Variants in PTPRD observed in about 807,000 individuals in gnomAD.
The protein encoded by PTPRD is receptor-type tyrosine-protein phosphatase delta.
In PTPRD, 34 loss-of-function variants were observed where a neutral mutation model predicts 214.5. The observed-to-expected ratio is 0.16, with a 90% CI of 0.12 to 0.21. The LOEUF (loss-of-function observed/expected upper bound fraction) is 0.21. PTPRD is among the 10% of genes least tolerant of loss of function. The probability of loss-of-function intolerance (pLI) is 1.00; values close to 1 mark genes in which losing one functional copy is unlikely to be tolerated. For missense variants in PTPRD, 2,545 were observed against 2,398.7 expected, an observed-to-expected ratio of 1.06 and a Z score of -1.27; for synonymous variants, 1,128 against 845.7, an observed-to-expected ratio of 1.33 and a Z score of -5.79.
chr9:8,480,863 G>A (rs879694058), intron 30 of PTPRD, among the ~76,000 whole-genome samples: 18 of 152,194 alleles, frequency 1.2e-4, no homozygotes, highest in Admixed American at 2.6e-4. Context: ...AAGAAGGGCC[G>A]GGCGCCGTGG....
At chr9:8,998,546 C>G (rs1391119752) in intron 11 of PTPRD, among the ~76,000 whole-genome samples, 1 of 151,964 alleles carries the variant, frequency 6.6e-6, no homozygotes, top group African/African-American at 2.4e-5. Context: ...ACCTAGTTAC[C>G]CAAGAGCTCT....
intron 14 of PTPRD, among the ~76,000 whole-genome samples, chr9:8,569,671 A>G (rs79639322): frequency 2.0e-5 from 3 of 152,130 alleles, no homozygotes; most frequent in African/African-American, 7.2e-5. Flanking sequence ...GAGCAGTCAT[A>G]TAACATCCTT....
chr9:9,809,399 C>CT (rs1238338012), intron 5 of PTPRD, among the ~76,000 whole-genome samples: 1 of 151,638 alleles, frequency 6.6e-6, no homozygotes, highest in African/African-American at 2.4e-5. Context: ...TCCCAAGTAG[C>CT]TGGGACTACA....
chr9:9,947,244 T>C (rs1216810255), intron 4 of PTPRD, among the ~76,000 whole-genome samples: 2 of 127,004 alleles, frequency 1.6e-5, no homozygotes, highest in Non-Finnish European at 3.2e-5. Context: ...TGGTACATTT[T>C]AGATATCCAA....
Position 8,541,700 on chromosome 9 carries a change from C to T in PTPRD, c.353-12921G>A, listed in dbSNP as rs550014956. On this transcript the variant is annotated intron_variant, in intron 14 of 45. Transcript: ENST00000381196. Reference sequence around the variant, plus strand: ...TGTTTGTGTTTGTGTGTGTGTATGTCAATGTATGTTTTTCTTCAAAATCTT... The same window carrying T: ...TGTTTGTGTTTGTGTGTGTGTATGTTAATGTATGTTTTTCTTCAAAATCTT... Among the ~76,000 whole-genome samples the T allele has an allele frequency of 1.3e-4, 20 of 152,148 alleles. No individual in the cohort carries two copies. In the South Asian group the frequency reaches 4.2e-3, roughly 32 times the overall value.
chr9:9,574,663 A>G (rs1403361519), intron 8 of PTPRD, 69 bp downstream of exon 8: 1 of 152,042 alleles, frequency 6.6e-6, no homozygotes, highest in Non-Finnish European at 1.5e-5. Flanking sequence ...TACTTAAAAA[A>G]AACTGGACAT....
At chr9:8,660,867 A>G (rs1479693511) in intron 12 of PTPRD, among the ~76,000 whole-genome samples, 1 of 152,118 alleles carries the variant, frequency 6.6e-6, no homozygotes, top group Non-Finnish European at 1.5e-5. Context: ...GTTGTCCTGG[A>G]TAGCAGTAAC....
At chr9:9,714,269 G>T (rs190506557) in intron 7 of PTPRD, among the ~76,000 whole-genome samples, 62 of 152,040 alleles carry the variant, frequency 4.1e-4, no homozygotes, top group African/African-American at 1.5e-3. Context: ...AGGGTCATTA[G>T]GTTGATATAT....
chr9:10,199,416 A>G (rs1306283645), intron 3 of PTPRD, among the ~76,000 whole-genome samples: 1 of 151,988 alleles, frequency 6.6e-6, no homozygotes, highest in Non-Finnish European at 1.5e-5. Context: ...GTTTGACAGT[A>G]CTCACATGAT....
chr9:10,223,240 C>G (rs983678471), intron 3 of PTPRD, among the ~76,000 whole-genome samples: 2 of 151,768 alleles, frequency 1.3e-5, no homozygotes, highest in African/African-American at 2.4e-5. Flanking sequence ...TCCTCCTTTT[C>G]TTACTTCTGT....
chr9:10,511,874 GTGTGTATATACACACACACA>G (rs1164237751), intron 2 of PTPRD, among the ~76,000 whole-genome samples: 2 of 86,810 alleles, frequency 2.3e-5, no homozygotes, highest in Non-Finnish European at 4.9e-5. Flanking sequence ...GTGTGTGTGT[GTGTGTATATACACACACACA>G]TATATATACA....
intron 4 of PTPRD, among the ~76,000 whole-genome samples, chr9:9,994,482 T>A (rs978756944): frequency 7.9e-5 from 12 of 152,148 alleles, no homozygotes; most frequent in Non-Finnish European, 1.5e-4. Flanking sequence ...CTCCCTAGGA[T>A]ATTGTCTGGT....
chr9:9,637,535 C>T (rs567639841), intron 7 of PTPRD, among the ~76,000 whole-genome samples: 5 of 152,350 alleles, frequency 3.3e-5, no homozygotes, highest in Admixed American at 1.3e-4. Flanking sequence ...CTCATTTACA[C>T]ACCTTCCTGG....
At chr9:9,446,733 CATA>C (rs2090531973) in intron 8 of PTPRD, among the ~76,000 whole-genome samples, 1 of 152,114 alleles carries the variant, frequency 6.6e-6, no homozygotes, top group Non-Finnish European at 1.5e-5. Context: ...ATCTTACCTA[CATA>C]ATAGAAGTGA....
intron 11 of PTPRD, among the ~76,000 whole-genome samples, chr9:8,952,525 T>C (rs1386755987): frequency 1.3e-5 from 2 of 151,834 alleles, no homozygotes; most frequent in African/African-American, 4.8e-5. Context: ...TTATCCCAAA[T>C]TAAGGAGCAT....
At chr9:10,589,411 TCA>T (rs112128195) in intron 2 of PTPRD, among the ~76,000 whole-genome samples, 6,034 of 152,068 alleles carry the variant, frequency 0.04, 392 homozygotes, top group African/African-American at 0.14. Context: ...GGGTTAAGTT[TCA>T]CACATTTGAG....
chr9:9,637,506 T>C (rs2095808425), intron 7 of PTPRD, among the ~76,000 whole-genome samples: 2 of 152,224 alleles, frequency 1.3e-5, no homozygotes, highest in Admixed American at 1.3e-4. Context: ...TCTTCAAACT[T>C]GAACTTAATC....
intron 10 of PTPRD, among the ~76,000 whole-genome samples, chr9:9,054,761 A>G (rs879179076): frequency 6.6e-6 from 1 of 152,192 alleles, no homozygotes; most frequent in Admixed American, 6.5e-5. Context: ...CTCGAAGGCA[A>G]ACAAGAATAG....
At chr9:9,014,195 G>GTTTT (rs1421854251) in intron 11 of PTPRD, among the ~76,000 whole-genome samples, 1 of 36,054 alleles carries the variant, frequency 2.8e-5, no homozygotes, top group East Asian at 4.2e-4. Flanking sequence ...TTGTTTGTTT[G>GTTTT]TTTGTTTTTT....
Sources: allele counts gnomAD v4.1 joint callset (sites outside exome capture counted in the v4.1 genomes callset), GRCh38; gene constraint gnomAD v4.1.1; transcripts MANE v1.5; gene names NCBI Gene and HGNC (gene_info 2026-07-23, HGNC 2026-07-21).